CSNK1D: variants seen among roughly 807,000 people sequenced by gnomAD.
CSNK1D encodes the protein casein kinase 1 delta.
A neutral mutation model predicts 46.6 loss-of-function variants in CSNK1D; 16 were observed. The observed-to-expected ratio is 0.34, with a 90% confidence interval of 0.23 to 0.52. The LOEUF (loss-of-function observed/expected upper bound fraction) is 0.52, where lower values mean the gene tolerates loss of function less well. Among genes scored for constraint, CSNK1D ranks in the 20% least tolerant of loss-of-function variants. CSNK1D has a pLI of 0.95. For synonymous variants in CSNK1D, 276 were observed against 228.2 expected (o/e 1.21, Z -1.89); for missense variants, 398 against 578.4 (o/e 0.69, Z 3.20).
Position 82,257,796 on chromosome 17 carries a change from T to C in CSNK1D, c.188-2219A>G, listed in dbSNP as rs149530768. On this transcript the variant is annotated intron_variant, in intron 2 of 8. Coordinates refer to ENST00000314028, the MANE Select transcript of CSNK1D (RefSeq NM_001893.6). ...AGCACAGCATGCGTGACATTCTCAA[T>C]GTCCGGCATCCAAAGTGGAAAACAA... is the stretch of plus-strand genomic sequence containing the variant. 2.0e-5 allele frequency among the ~76,000 whole-genome samples: 3 copies of C among 152,354 alleles called. No homozygotes were observed. In the East Asian group the frequency reaches 5.8e-4, roughly 29 times the overall value.
chr17:82,244,310 A>G lies in CSNK1D; in HGVS notation c.*471T>C, dbSNP rs2050795455. On this transcript the variant is annotated 3_prime_UTR_variant, in exon 9 of 9. Transcript: ENST00000314028. ...AGCCTGTCTCAGAATTCCTTAGTCA[A>G]CATTTTTTTTGTAAGACTGCAAAAA... 2 of 1,102,768 alleles carry G rather than the reference A, an allele frequency of 1.8e-6. No homozygotes were observed. The highest frequency in any genetic ancestry group is 1.6e-5 in the African/African-American group (1 of 61,352). The allele number at this position is 1,102,768 out of a possible 1,614,324, so 68.3% of individuals were successfully genotyped here. A position where few individuals can be genotyped will look rare whatever the true frequency, so the allele number is the denominator to read the frequency against.
intron 8 of CSNK1D, chr17:82,245,845 CAGA>C (rs2050836812): frequency 5.4e-6 from 5 of 918,850 alleles, no homozygotes; most frequent in South Asian, 2.9e-5. Flanking sequence ...AAGAACAGAG[CAGA>C]AGAAGCCTCA....
At chr17:82,242,215 G>GC (rs113483690), downstream of CSNK1D, among the ~76,000 whole-genome samples, 7 of 150,938 alleles carry the variant, frequency 4.6e-5, no homozygotes, top group South Asian at 4.2e-4. Flanking sequence ...TGTGCTCTGG[G>GC]GGGGGGGGGA....
In CSNK1D at chr17:82,250,775, CAACAA is replaced by C. The variant is rs2050985736; in HGVS notation, c.885+599_885+603del. ...AGCTCCAAATTCTATTTAAAACTGACAACAAAACAGTAAGTTTTTAATGAAGGAAC... is the reference window on the plus strand; with the variant it reads ...AGCTCCAAATTCTATTTAAAACTGACAACAGTAAGTTTTTAATGAAGGAAC... On this transcript the variant is annotated intron_variant, in intron 6 of 8. Transcript: ENST00000314028. This position sits in a 1 kb window ranked among gnomAD's most constrained non-coding sequence, Gnocchi z 4.6. 1 of 167,524 alleles carries C rather than the reference CAACAA, an allele frequency of 6.0e-6. No individual in the cohort carries two copies. Among genetic ancestry groups the C allele is most frequent in the African/African-American group, 2.4e-5 (1 of 41,608 alleles). The allele number at this position is 167,524 out of a possible 1,614,324, so 10.4% of individuals were successfully genotyped here. A position where few individuals can be genotyped will look rare whatever the true frequency, so the allele number is the denominator to read the frequency against.
In CSNK1D at chr17:82,265,925, G is replaced by A. The variant is rs1364026946; in HGVS notation, c.77-129C>T. The A allele has an allele frequency of 5.0e-6, 4 of 799,266 alleles. No individual in the cohort carries two copies. The South Asian group carries it at 5.5e-5, about 11-fold the overall frequency. The allele number at this position is 799,266 out of a possible 1,614,324, so 49.5% of individuals were successfully genotyped here. On this transcript the variant is annotated intron_variant, in intron 1 of 8. Transcript: ENST00000314028. ...AGTGAGGGATGTGTTCTCCTTCCTAGCATAGTAAGGCGGGCTAATCGGCTG... is the reference window on the plus strand; with the variant it reads ...AGTGAGGGATGTGTTCTCCTTCCTAACATAGTAAGGCGGGCTAATCGGCTG...
At chr17:82,266,394 C>T (rs112969894) in intron 1 of CSNK1D, among the ~76,000 whole-genome samples, 7,220 of 152,288 alleles carry the variant, frequency 0.047, 546 homozygotes, top group African/African-American at 0.16. Context: ...CCAGAAGAAT[C>T]GCCTGTTTTC....
At chr17:82,240,875 G>A (rs1373940245), downstream of CSNK1D, among the ~76,000 whole-genome samples, 1 of 152,150 alleles carries the variant, frequency 6.6e-6, no homozygotes, top group Non-Finnish European at 1.5e-5. Flanking sequence ...CTCAGCTGGT[G>A]CCTTTAAAGG....
chr17:82,244,934 C>T (rs2050811763), intron 8 of CSNK1D, 103 bp from the exon 9 acceptor site: 2 of 1,476,390 alleles, frequency 1.4e-6, no homozygotes, highest in East Asian at 2.3e-5. Flanking sequence ...CGCACCGCCA[C>T]CGCCTAGCCC....
In CSNK1D at chr17:82,246,087, T is replaced by C. The variant is rs764637770; in HGVS notation, c.1198-1256A>G. Reference sequence around the variant, plus strand: ...GTTGGTAAGCGTCCCGCTGGCCCCCTGACTACCTGTGTCGGCTCCATGTCC... The same window carrying C: ...GTTGGTAAGCGTCCCGCTGGCCCCCCGACTACCTGTGTCGGCTCCATGTCC... On this transcript the variant is annotated intron_variant, in intron 8 of 8. Transcript: ENST00000314028. The C allele has an allele frequency of 3.2e-6, 5 of 1,577,704 alleles. No individual in the cohort carries two copies. In the African/African-American group the frequency reaches 4.1e-5, roughly 13 times the overall value.
At chr17:82,261,109 T>C (rs894860836) in intron 2 of CSNK1D, 1 of 154,886 alleles carries the variant, frequency 6.5e-6, no homozygotes, top group Non-Finnish European at 1.5e-5. Flanking sequence ...TAAGTAACAA[T>C]GTACCCCGTC....
intron 2 of CSNK1D, among the ~76,000 whole-genome samples, chr17:82,261,487 T>C (rs187243587): frequency 5.3e-5 from 8 of 152,332 alleles, no homozygotes; most frequent in Admixed American, 1.3e-4. Context: ...TCAATATAAA[T>C]GTGGGGACTG....
chr17:82,271,359 C>T (rs1370686525), intron 1 of CSNK1D, among the ~76,000 whole-genome samples: 1 of 152,222 alleles, frequency 6.6e-6, no homozygotes, highest in African/African-American at 2.4e-5. Flanking sequence ...CGTGAGCCAC[C>T]ACACCCGGCC....
chr17:82,254,579 G>A (rs2051114950), intron 3 of CSNK1D: 1 of 183,500 alleles, frequency 5.4e-6, no homozygotes, highest in South Asian at 4.2e-5. Flanking sequence ...AGTGAGCTGA[G>A]CCGCCGGAGC....
At position 82,244,635 on chromosome 17, in the gene CSNK1D, C is replaced by T. The variant is rs1426454602; in HGVS notation, c.*146G>A. 1.2e-5 allele frequency: 18 copies of T among 1,540,936 alleles called. No individual in the cohort carries two copies. Among genetic ancestry groups the T allele is most frequent in the African/African-American group, 4.1e-5 (3 of 73,360 alleles). On this transcript the variant is annotated 3_prime_UTR_variant, in exon 9 of 9. Coordinates refer to ENST00000314028, the MANE Select transcript of CSNK1D (RefSeq NM_001893.6). ...GTCTGTCCGTTTAGTATGTTTCCCC[C>T]ACGAGCGTCGCTGGGTGAGTGGCCT... is the stretch of plus-strand genomic sequence containing the variant.
At chr17:82,246,274 C>T (rs546648426) in intron 8 of CSNK1D, 2 of 1,435,696 alleles carry the variant, frequency 1.4e-6, no homozygotes, top group Non-Finnish European at 1.8e-6. Context: ...CCAACAATGG[C>T]ATGGGACAGG....
At chr17:82,259,457 G>C (rs1222717980) in intron 2 of CSNK1D, among the ~76,000 whole-genome samples, 1 of 152,220 alleles carries the variant, frequency 6.6e-6, no homozygotes, top group Non-Finnish European at 1.5e-5. Context: ...CACAAAACTT[G>C]GCTGCACTGC....
At chr17:82,247,550 C>T (rs1388426053) in intron 8 of CSNK1D, 2 of 985,402 alleles carry the variant, frequency 2.0e-6, no homozygotes, top group Non-Finnish European at 2.4e-6. Context: ...ACTCTGGGCT[C>T]CTGTACCATG....
intron 2 of CSNK1D, among the ~76,000 whole-genome samples, chr17:82,265,057 C>A (rs1264991960): frequency 6.6e-6 from 1 of 151,956 alleles, no homozygotes; most frequent in African/African-American, 2.4e-5. Context: ...CCTCGGCCTC[C>A]CAAAGTGCTG....
chr17:82,247,494 C>T (rs984637030), intron 8 of CSNK1D: 2 of 985,398 alleles, frequency 2.0e-6, no homozygotes, highest in Admixed American at 1.2e-4. Flanking sequence ...CAGCCAAGCG[C>T]TGGGGCGAGG....
Sources: allele counts gnomAD v4.1 joint callset (sites outside exome capture counted in the v4.1 genomes callset), GRCh38; gene constraint gnomAD v4.1.1; non-coding constraint Gnocchi (gnomAD v3.1); transcripts MANE v1.5; gene names NCBI Gene and HGNC (gene_info 2026-07-23, HGNC 2026-07-21).